The following DSCAM variants were observed in gnomAD, a reference collection of about 807,000 sequenced individuals.
The protein encoded by DSCAM is cell adhesion molecule DSCAM.
DSCAM carries 47 observed loss-of-function variants against 217.7 expected under a neutral mutation model. The observed-to-expected ratio is 0.22, with a 90% CI of 0.17 to 0.28. The LOEUF (loss-of-function observed/expected upper bound fraction) is 0.28. DSCAM is among the 10% of genes least tolerant of loss of function. DSCAM has a pLI of 1.00. For synonymous variants in DSCAM, 1,056 were observed against 1,015.3 expected (o/e 1.04, Z -0.76); for missense variants, 2,080 against 2,618.3 (o/e 0.79, Z 4.49).
intron 2 of DSCAM, among the ~76,000 whole-genome samples, chr21:40,706,898 T>C (rs949906621): frequency 1.3e-5 from 2 of 152,224 alleles, no homozygotes; most frequent in African/African-American, 2.4e-5. Flanking sequence ...ATCCATATGC[T>C]GGATTCATAG....
rs1252145457 is a variant in DSCAM, at chr21:40,825,262, T to TTTCTTTCC, written c.43+21349_43+21356dup. ...ATATAGGTGTTCAGTGAACATTTTC[T>TTTCTTTCC]TTCTTTCCTTCCTTCCTTCCTTCCT... On this transcript the variant is annotated intron_variant, in intron 1 of 32. Transcript: ENST00000400454. Among the ~76,000 whole-genome samples the TTTCTTTCC allele has an allele frequency of 7.2e-3, 991 of 137,380 alleles. 13 individuals are homozygous for TTTCTTTCC. Among genetic ancestry groups the TTTCTTTCC allele is most frequent in the African/African-American group, 0.023 (854 of 36,460 alleles). 90.1% of individuals were successfully genotyped at this position (137,380 alleles called of 152,430 possible). A position where few individuals can be genotyped will look rare whatever the true frequency, so the allele number is the denominator to read the frequency against.
intron 3 of DSCAM, among the ~76,000 whole-genome samples, chr21:40,516,376 GA>G (rs2076299712): frequency 6.6e-6 from 1 of 152,106 alleles, no homozygotes; most frequent in Non-Finnish European, 1.5e-5. Context: ...TCAGACCATG[GA>G]AACAATGTAG....
rs201397636 is a variant in DSCAM, at chr21:40,697,319, TG to T, written c.362-4364del. ...TTGCTGATTTTTATTTTCTTTGCTGTGCAGAGTTTTTCTGCTTGATGTAATC... is the reference window on the plus strand; with the variant it reads ...TTGCTGATTTTTATTTTCTTTGCTGTCAGAGTTTTTCTGCTTGATGTAATC... On this transcript the variant is annotated intron_variant, in intron 2 of 32. Transcript: ENST00000400454. Among the ~76,000 whole-genome samples the T allele has an allele frequency of 1.4e-3, 210 of 152,358 alleles. 3 individuals are homozygous for T. In the East Asian group the frequency reaches 0.038, roughly 27 times the overall value.
intron 3 of DSCAM, among the ~76,000 whole-genome samples, chr21:40,661,416 C>G (rs915601107): frequency 6.6e-6 from 1 of 152,126 alleles, no homozygotes; most frequent in Admixed American, 6.5e-5. Flanking sequence ...GACTCTCTGT[C>G]CTTTTCTGTG....
chr21:40,498,682 TATATATATATATATAG>T (rs1460247220), intron 3 of DSCAM, among the ~76,000 whole-genome samples: 1,119 of 6,486 alleles, frequency 0.17, 65 homozygotes, highest in Admixed American at 0.27. Context: ...TATATATATA[TATATATATATATATAG>T]ATATATATAT....
At chr21:40,229,383 A>T (rs2091360755) in intron 11 of DSCAM, among the ~76,000 whole-genome samples, 1 of 152,210 alleles carries the variant, frequency 6.6e-6, no homozygotes, top group Non-Finnish European at 1.5e-5. Flanking sequence ...CACCTACATT[A>T]AGATTCATTC....
intron 32 of DSCAM, among the ~76,000 whole-genome samples, chr21:40,013,814 T>C (rs16999188): frequency 0.015 from 2,238 of 152,266 alleles, 59 homozygotes; most frequent in African/African-American, 0.051. Context: ...CAAGCGAAGA[T>C]GGACAGCTGG....
Position 40,215,225 on chromosome 21 carries a change from CAAAAAAAAAAAAAAAAAAAAAAA to C in DSCAM, c.2357-26010_2357-25988del, listed in dbSNP as rs1162761613. Among the ~76,000 whole-genome samples the C allele has an allele frequency of 1.5e-3, 8 of 5,480 alleles. 1 individual carries two copies. The highest frequency in any genetic ancestry group is 0.019 in the South Asian group (2 of 108). The allele number at this position is 5,480 out of a possible 152,430, so 3.6% of individuals were successfully genotyped here. A position where few individuals can be genotyped will look rare whatever the true frequency, so the allele number is the denominator to read the frequency against. On this transcript the variant is annotated intron_variant, in intron 11 of 32. Coordinates refer to ENST00000400454, the MANE Select transcript of DSCAM (RefSeq NM_001389.5). ...TGGGCGACAGAGCGAGACTCCGTCT[CAAAAAAAAAAAAAAAAAAAAAAA>C]AAAAAAAAAAAAAAAAAAGATATGG...
At chr21:40,757,563 A>C (rs1276863203) in intron 1 of DSCAM, among the ~76,000 whole-genome samples, 1 of 152,180 alleles carries the variant, frequency 6.6e-6, no homozygotes, top group African/African-American at 2.4e-5. Flanking sequence ...GAAGGGCATG[A>C]GCATTGTGGC....
chr21:40,365,239 C>A (rs2074819013), intron 4 of DSCAM, among the ~76,000 whole-genome samples: 1 of 151,938 alleles, frequency 6.6e-6, no homozygotes, highest in South Asian at 2.1e-4. Flanking sequence ...TGGGTGGGCA[C>A]CATTAATCAA....
At chr21:40,619,233 T>C (rs963269049) in intron 3 of DSCAM, among the ~76,000 whole-genome samples, 3 of 152,136 alleles carry the variant, frequency 2.0e-5, no homozygotes, top group South Asian at 2.1e-4. Context: ...CCTTCTCCCA[T>C]GAAACTATAC....
intron 3 of DSCAM, among the ~76,000 whole-genome samples, chr21:40,432,235 T>TAAATAAATAAAG (rs2075541300): frequency 6.6e-6 from 1 of 151,598 alleles, no homozygotes; most frequent in East Asian, 1.9e-4. Context: ...AATAAATAAA[T>TAAATAAATAAAG]AAATATCTTC....
At chr21:40,645,504 A>T (rs59848331) in intron 3 of DSCAM, among the ~76,000 whole-genome samples, 20,751 of 152,126 alleles carry the variant, frequency 0.14, 1,790 homozygotes, top group East Asian at 0.25. Flanking sequence ...GTGATGCTTT[A>T]ATTCAGTTTT....
At chr21:40,306,148 G>A (rs1466279535) in intron 9 of DSCAM, among the ~76,000 whole-genome samples, 2 of 151,082 alleles carry the variant, frequency 1.3e-5, no homozygotes, top group African/African-American at 2.5e-5. Context: ...TCCTTGAAGA[G>A]GTCCTTCACA....
chr21:40,308,377 T>C (rs751289675), intron 9 of DSCAM, among the ~76,000 whole-genome samples: 1 of 152,128 alleles, frequency 6.6e-6, no homozygotes, highest in Non-Finnish European at 1.5e-5. Flanking sequence ...ATTCCTGAGA[T>C]TGCGGCTGAA....
chr21:40,040,514 G>GTACTT (rs1287840590), intron 32 of DSCAM, among the ~76,000 whole-genome samples: 7 of 152,272 alleles, frequency 4.6e-5, no homozygotes, highest in African/African-American at 1.7e-4. Context: ...GAAACATAAA[G>GTACTT]TACTTAACTG....
intron 11 of DSCAM, among the ~76,000 whole-genome samples, chr21:40,203,451 C>T (rs969288374): frequency 6.6e-6 from 1 of 152,214 alleles, no homozygotes; most frequent in Non-Finnish European, 1.5e-5. Flanking sequence ...TACATCTGTT[C>T]TTTGTGGCAT....
At chr21:40,575,952 C>T (rs1321319862) in intron 3 of DSCAM, among the ~76,000 whole-genome samples, 1 of 152,130 alleles carries the variant, frequency 6.6e-6, no homozygotes, top group Non-Finnish European at 1.5e-5. Context: ...ATCTCATACA[C>T]ACTATATTGG....
At chr21:40,360,846 G>C (rs1196959796) in intron 4 of DSCAM, among the ~76,000 whole-genome samples, 1 of 152,112 alleles carries the variant, frequency 6.6e-6, no homozygotes, top group Non-Finnish European at 1.5e-5. Flanking sequence ...TGGGATTGCT[G>C]GGTCAAATGG....
Sources: gnomAD v4.1 joint callset for allele counts (sites outside exome capture counted in the v4.1 genomes callset) on GRCh38, gnomAD v4.1.1 for gene constraint, MANE v1.5 for transcripts, NCBI Gene and HGNC (gene_info 2026-07-23, HGNC 2026-07-21) for gene names.